The following MAP2 variants were observed in gnomAD, a reference collection of about 807,000 sequenced individuals.
MAP2 encodes the protein microtubule associated protein 2.
In MAP2, 14 loss-of-function variants were observed where a neutral mutation model predicts 137.6. The ratio of observed to expected loss-of-function variants is 0.10; its 90% CI spans 0.07 to 0.16. The LOEUF is 0.16. Among genes scored for constraint, MAP2 ranks in the 10% least tolerant of loss-of-function variants. The pLI is 1.00. For synonymous variants in MAP2, 786 were observed against 782.3 expected, an observed-to-expected ratio of 1.00 and a Z score of -0.08; for missense variants, 2,088 against 2,191.5, an observed-to-expected ratio of 0.95 and a Z score of 0.94.
intron 2 of MAP2, chr2:209,579,739 T>TG: frequency 6.6e-6 from 1 of 152,228 alleles, no homozygotes; most frequent in Admixed American, 6.5e-5. Context: ...TTGAGTGGTA[T>TG]TGCTGCATAT....
intron 4 of MAP2, among the ~76,000 whole-genome samples, chr2:209,635,342 C>T (rs1290613644): frequency 6.6e-6 from 1 of 151,962 alleles, no homozygotes; most frequent in East Asian, 1.9e-4. Context: ...ATTGGCATAG[C>T]CAGTTAAAAA....
At chr2:209,635,418 G>GA (rs773911199) in intron 4 of MAP2, among the ~76,000 whole-genome samples, 3 of 152,124 alleles carry the variant, frequency 2.0e-5, no homozygotes, top group South Asian at 4.1e-4. Flanking sequence ...AATTATAATA[G>GA]AAAAAAACCC....
intron 1 of MAP2, among the ~76,000 whole-genome samples, chr2:209,481,457 A>G (rs369107239): frequency 1.3e-5 from 2 of 152,314 alleles, no homozygotes; most frequent in East Asian, 3.9e-4. Flanking sequence ...ACTGGGCGGT[A>G]CACCAAAGTG....
At chr2:209,591,522 T>C (rs1393007990) in intron 3 of MAP2, among the ~76,000 whole-genome samples, 1 of 152,176 alleles carries the variant, frequency 6.6e-6, no homozygotes, top group African/African-American at 2.4e-5. Context: ...ATAGAATAGG[T>C]ATATATTTGA....
intron 2 of MAP2, among the ~76,000 whole-genome samples, chr2:209,570,734 C>T (rs1207668677): frequency 1.3e-5 from 2 of 151,726 alleles, no homozygotes; most frequent in Non-Finnish European, 3.0e-5. Flanking sequence ...ATGAAAAAGG[C>T]ACAATTTTAA....
intron 2 of MAP2, among the ~76,000 whole-genome samples, chr2:209,544,038 G>A (rs2067532912): frequency 2.0e-5 from 3 of 152,064 alleles, no homozygotes; most frequent in Admixed American, 2.0e-4. Flanking sequence ...GACCATCTTG[G>A]CTAACATGAT....
At chr2:209,490,019 G>T (rs2058875842) in intron 1 of MAP2, among the ~76,000 whole-genome samples, 1 of 152,132 alleles carries the variant, frequency 6.6e-6, no homozygotes, top group African/African-American at 2.4e-5. Context: ...AATGTTAAGG[G>T]CAGCCAGAGA....
At chr2:209,654,433 T>C (rs911673341) in intron 5 of MAP2, among the ~76,000 whole-genome samples, 1 of 152,230 alleles carries the variant, frequency 6.6e-6, no homozygotes, top group Non-Finnish European at 1.5e-5. Flanking sequence ...TCAATTAGTA[T>C]GAAATTGTGG....
Position 209,693,293 on chromosome 2 carries a change from A to G in MAP2, c.1123A>G (p.Lys375Glu), listed in dbSNP as rs2059416696. ...SFKIEEPHEA[K>E]PDKMAEAPPS... ...TAAAATTGAAGAGCCCCATGAGGCT[A>G]AACCTGACAAAATGGCAGAAGCACC... is the stretch of plus-strand genomic sequence containing the variant. The change falls in exon 8 of 16, where the codon AAA becomes GAA. Residue 375 changes from lysine (K) to glutamate (E), a missense_variant. Lys to Glu is a moderately conservative substitution (Grantham distance 56, BLOSUM62 1). Transcript: ENST00000682079. 6.2e-7 allele frequency: 1 copy of G among 1,614,078 alleles called. No individual in the cohort carries two copies. Among genetic ancestry groups the G allele is most frequent in the Non-Finnish European group, 8.5e-7 (1 of 1,179,994 alleles).
rs187749912 is a variant in MAP2, at chr2:209,471,681, C to T, written c.-221-35911C>T. ...TAATAAAAGAATAAAGAGGAAGGAA[C>T]GTGTTCTACAAATACTTTATTTATA... On this transcript the variant is annotated intron_variant, in intron 1 of 15. Transcript: ENST00000682079. Among the ~76,000 whole-genome samples the T allele has an allele frequency of 1.6e-3, 202 of 122,566 alleles. 2 individuals carry two copies. The highest frequency in any genetic ancestry group is 5.6e-3 in the African/African-American group (177 of 31,404). The allele number at this position is 122,566 out of a possible 152,430, so 80.4% of individuals were successfully genotyped here. A position where few individuals can be genotyped will look rare whatever the true frequency, so the allele number is the denominator to read the frequency against.
chr2:209,642,926 T>G (rs1373968748), intron 4 of MAP2, among the ~76,000 whole-genome samples: 4 of 152,212 alleles, frequency 2.6e-5, no homozygotes, highest in Admixed American at 1.3e-4. Context: ...GTTTCTATTT[T>G]GTGATACTGA....
intron 4 of MAP2, among the ~76,000 whole-genome samples, chr2:209,628,602 A>G (rs2092660639): frequency 2.0e-5 from 3 of 152,188 alleles, no homozygotes; most frequent in South Asian, 4.1e-4. Flanking sequence ...AGTCAGAATT[A>G]TCTTTTAAAA....
chr2:209,602,209 A>G (rs564668066), intron 3 of MAP2, among the ~76,000 whole-genome samples: 16 of 152,234 alleles, frequency 1.1e-4, no homozygotes, highest in Non-Finnish European at 2.1e-4. Flanking sequence ...AATGGAACAA[A>G]TCAATTCTCA....
At chr2:209,617,291 T>G (rs2089805849) in intron 3 of MAP2, among the ~76,000 whole-genome samples, 1 of 152,096 alleles carries the variant, frequency 6.6e-6, no homozygotes, top group African/African-American at 2.4e-5. Context: ...AGCCCCAACA[T>G]TAGCCAATGA....
intron 2 of MAP2, among the ~76,000 whole-genome samples, chr2:209,524,943 G>A (rs2063805307): frequency 6.6e-6 from 1 of 152,100 alleles, no homozygotes; most frequent in Admixed American, 6.6e-5. Context: ...GGGATCCAGA[G>A]ACCTGGTTTC....
chr2:209,540,990 A>G (rs2066928494), intron 2 of MAP2, among the ~76,000 whole-genome samples: 1 of 151,092 alleles, frequency 6.6e-6, no homozygotes, highest in African/African-American at 2.5e-5. Flanking sequence ...TCTAAAAAGT[A>G]CATACCTTAA....
At chr2:209,725,087 A>G (rs2073353931) in intron 13 of MAP2, among the ~76,000 whole-genome samples, 1 of 152,220 alleles carries the variant, frequency 6.6e-6, no homozygotes, top group African/African-American at 2.4e-5. Context: ...TCTCGTGCAG[A>G]TGACAATGGA....
chr2:209,723,459 A>G, intron 13 of MAP2: 1 of 634,588 alleles, frequency 1.6e-6, no homozygotes, highest in Non-Finnish European at 2.9e-6. Flanking sequence ...CTTCAGTTCC[A>G]GTGTTAGATT....
intron 1 of MAP2, among the ~76,000 whole-genome samples, chr2:209,436,811 C>T (rs1470251536): frequency 6.6e-6 from 1 of 151,510 alleles, no homozygotes; most frequent in Non-Finnish European, 1.5e-5. Flanking sequence ...ATCGTGTCCC[C>T]CTTCAAGTAA....
Sources: gnomAD v4.1 joint callset for allele counts (sites outside exome capture counted in the v4.1 genomes callset) on GRCh38, gnomAD v4.1.1 for gene constraint, MANE v1.5 for transcripts, NCBI Gene and HGNC (gene_info 2026-07-23, HGNC 2026-07-21) for gene names.